POM121: variants seen among roughly 807,000 people sequenced by gnomAD.
The protein encoded by POM121 is POM121 transmembrane nucleoporin, also known as nuclear envelope pore membrane protein POM 121.
POM121 carries 32 observed loss-of-function variants against 81.3 expected under a neutral mutation model. That is an observed-to-expected ratio of 0.39 (90% confidence interval 0.30 to 0.53). POM121 has a LOEUF of 0.53. POM121 is among the 20% of genes least tolerant of loss of function. The pLI is 0.66. For synonymous variants in POM121, 514 were observed against 694.2 expected (o/e 0.74, Z 4.08); for missense variants, 1,138 against 1,614.6 (o/e 0.70, Z 5.06).
chr7:72,931,447 T>C (rs1796011746), intron 5 of POM121, among the ~76,000 whole-genome samples: 1 of 152,224 alleles, frequency 6.6e-6, no homozygotes, highest in Admixed American at 6.5e-5. Flanking sequence ...TATAAATAAT[T>C]CATAATATTC....
At chr7:72,898,673 C>A (rs1325731114) in intron 3 of POM121, among the ~76,000 whole-genome samples, 5 of 151,706 alleles carry the variant, frequency 3.3e-5, no homozygotes, top group African/African-American at 1.2e-4. Flanking sequence ...TGGTGGGCGC[C>A]TGTAATCCCA....
chr7:72,893,953 CT>C (rs1317246348), intron 3 of POM121, among the ~76,000 whole-genome samples: 2 of 152,166 alleles, frequency 1.3e-5, no homozygotes, highest in Non-Finnish European at 2.9e-5. Flanking sequence ...CCCCCTCCCC[CT>C]GCCCCCGTTT....
chr7:72,903,090 G>A (rs1391961387), intron 3 of POM121, among the ~76,000 whole-genome samples: 1 of 151,930 alleles, frequency 6.6e-6, no homozygotes, highest in African/African-American at 2.4e-5. Context: ...CAGGCACAGT[G>A]ATTCACATCT....
At chr7:72,909,584 T>C (rs529229622) in intron 3 of POM121, among the ~76,000 whole-genome samples, 10 of 152,278 alleles carry the variant, frequency 6.6e-5, no homozygotes, top group African/African-American at 2.4e-4. Context: ...ATCAATTTAG[T>C]TTTCTAAGTT....
upstream of POM121, among the ~76,000 whole-genome samples, chr7:72,920,417 C>G (rs192771711): frequency 2.9e-3 from 422 of 146,078 alleles, 2 homozygotes; most frequent in African/African-American, 0.011. Flanking sequence ...GGCGCAATCT[C>G]GGCTCACTGC....
In POM121 at chr7:72,940,049, G is replaced by A; in HGVS notation, c.1563+81G>A. On this transcript the variant is annotated intron_variant, in intron 8 of 12. Coordinates refer to ENST00000434423, the MANE Select transcript of POM121 (RefSeq NM_001387691.1). ...GGAACGCTAAGGACAAGTTTCTTCT[G>A]ATTTTTTTTCTAATTTATTTTTGTT... 1.3e-6 allele frequency: 2 copies of A among 1,541,084 alleles called. 1 individual carries two copies.
chr7:72,938,254 T>C (rs185472337), intron 5 of POM121, among the ~76,000 whole-genome samples: 3,629 of 150,534 alleles, frequency 0.024, 66 homozygotes, highest in Non-Finnish European at 0.037. Flanking sequence ...TGAGACAGGG[T>C]CTCACTCTGT....
chr7:72,921,530 G>C (rs1262041751), upstream of POM121, among the ~76,000 whole-genome samples: 1 of 152,216 alleles, frequency 6.6e-6, no homozygotes, highest in Non-Finnish European at 1.5e-5. Context: ...TCCCCAGGTA[G>C]AGGAACTAGG....
chr7:72,901,171 AT>A (rs1792595641), intron 3 of POM121, among the ~76,000 whole-genome samples: 1 of 134,944 alleles, frequency 7.4e-6, no homozygotes. Context: ...TATATGTTTT[AT>A]TTTTTTTAAT....
At position 72,929,964 on chromosome 7, in the gene POM121, C is replaced by G. The variant is rs147002467; in HGVS notation, c.1128C>G (p.Leu376=). 22 of 1,611,602 alleles carry G rather than the reference C, an allele frequency of 1.4e-5. No homozygotes were observed. The highest frequency in any genetic ancestry group is 1.9e-5 in the Non-Finnish European group (22 of 1,178,454). ...VPKPGSLKRG[L]NSQSSDDHLN... is the part of the protein sequence containing the mutation. Reference sequence around the variant, plus strand: ...GGCCTGGGTCTCTGAAGAGAGGCCTCAATTCTCAGAGCTCAGATGACCACT... The same window carrying G: ...GGCCTGGGTCTCTGAAGAGAGGCCTGAATTCTCAGAGCTCAGATGACCACT... Residue 376 remains leucine, a synonymous_variant, in exon 5 of 13, where the codon CTC becomes CTG. Transcript: ENST00000434423.
At chr7:72,939,479 A>G in intron 7 of POM121, 70 bp downstream of exon 7, 1 of 1,581,038 alleles carries the variant, frequency 6.3e-7, no homozygotes, top group Non-Finnish European at 8.6e-7. Context: ...GTAGAGATTA[A>G]TACCTATTGA....
rs1301017518 is a variant in POM121, at chr7:72,913,560, G to A, written c.-215-205G>A. Among the ~76,000 whole-genome samples the A allele has an allele frequency of 1.1e-4, 17 of 152,140 alleles. No individual in the cohort carries two copies. In the South Asian group the frequency reaches 2.7e-3, roughly 24 times the overall value. The stretch of plus-strand genomic sequence containing the variant: ...CTAGCCTCCGTGTTCCTGGGACACC[G>A]CTGACTGGAGGCTGCTCCTCTTCTA... On this transcript the variant is annotated intron_variant, in intron 3 of 15. Coordinates refer to the POM121 transcript ENST00000395270.
rs1480472111 is a variant in POM121 at position 72,925,646 on chromosome 7, A to G, written c.525A>G (p.Pro175=). The change falls in exon 1 of 13, where the codon CCA becomes CCG. Residue 175 remains proline (P), a synonymous_variant. Transcript: ENST00000434423. ...CTGCCCGCCCGGCGCCGCGCTCCCC[A>G]CCGCCGCGCTCCCCACCGCCGCGCT... ...RPPARPAPRS[P]PPRSPPPRSP... is the part of the protein sequence containing the mutation. 4 of 253,204 alleles carry G rather than the reference A, an allele frequency of 1.6e-5. No homozygotes were observed. The highest frequency in any genetic ancestry group is 1.4e-5 in the Non-Finnish European group (3 of 217,802). 15.7% of individuals were successfully genotyped at this position (253,204 alleles called of 1,614,324 possible). A position where few individuals can be genotyped will look rare whatever the true frequency, so the allele number is the denominator to read the frequency against.
chr7:72,939,735 T>C, intron 7 of POM121, 112 bp from the exon 8 acceptor site: 1 of 1,607,932 alleles, frequency 6.2e-7, no homozygotes, highest in Non-Finnish European at 8.5e-7. Context: ...GAAGATTGAA[T>C]CTTTTCAGAG....
intron 2 of POM121, 103 bp downstream of exon 2, chr7:72,926,580 G>A (rs1795470745): frequency 2.6e-6 from 4 of 1,553,290 alleles, no homozygotes; most frequent in African/African-American, 2.7e-5. Flanking sequence ...AAAGGACGAA[G>A]CTGCTTATTT....
chr7:72,905,623 C>T (rs1554493302), intron 3 of POM121, among the ~76,000 whole-genome samples: 2 of 152,134 alleles, frequency 1.3e-5, no homozygotes, highest in East Asian at 3.8e-4. Context: ...TTTCTTGAAC[C>T]CAGGAGGCGG....
At chr7:72,933,098 T>C (rs1231093918) in intron 5 of POM121, among the ~76,000 whole-genome samples, 3 of 146,798 alleles carry the variant, frequency 2.0e-5, no homozygotes, top group African/African-American at 7.5e-5. Flanking sequence ...ACACCTGTAA[T>C]CCCAGCACTT....
chr7:72,943,194 A>G lies in POM121; in HGVS notation c.3201A>G (p.Ala1067=), dbSNP rs1162232724. The change falls in exon 11 of 13, where the codon GCA becomes GCG. Residue 1067 remains alanine, a synonymous_variant. Transcript: ENST00000434423. ...GCTCCACTGCTGTCTTCTTCGGTGCAGCCACCAGCTCCGGCTTTGGAGCCA... is the reference window on the plus strand; with the variant it reads ...GCTCCACTGCTGTCTTCTTCGGTGCGGCCACCAGCTCCGGCTTTGGAGCCA... ...FGGSTAVFFG[A]ATSSGFGATT... The G allele has an allele frequency of 4.3e-6, 7 of 1,613,094 alleles. No individual in the cohort carries two copies. Among genetic ancestry groups the G allele is most frequent in the Non-Finnish European group, 5.9e-6 (7 of 1,179,822 alleles).
chr7:72,883,618 C>A (rs1417873094), intron 1 of POM121, among the ~76,000 whole-genome samples: 1 of 151,680 alleles, frequency 6.6e-6, no homozygotes, highest in Non-Finnish European at 1.5e-5. Flanking sequence ...GATTGTGTTA[C>A]CCTTGTTTCA....
Sources: allele counts gnomAD v4.1 joint callset (sites outside exome capture counted in the v4.1 genomes callset), GRCh38; gene constraint gnomAD v4.1.1; transcripts MANE v1.5; gene names NCBI Gene and HGNC (gene_info 2026-07-23, HGNC 2026-07-21).